MYO1H: variants seen among roughly 807,000 people sequenced by gnomAD.
MYO1H encodes the protein unconventional myosin-Ih.
A neutral mutation model predicts 149.3 loss-of-function variants in MYO1H; 118 were observed. The ratio of observed to expected loss-of-function variants is 0.79; its 90% confidence interval spans 0.68 to 0.92. MYO1H has a LOEUF of 0.92. MYO1H is among the 40% of genes least tolerant of loss of function. The pLI is 0.00. For missense variants in MYO1H, 1,212 were observed against 1,280.7 expected (o/e 0.95, Z 0.82); for synonymous variants, 447 against 465.2 (o/e 0.96, Z 0.50).
At chr12:109,344,608 C>T (rs1044501305), upstream of MYO1H, among the ~76,000 whole-genome samples, 2 of 152,146 alleles carry the variant, frequency 1.3e-5, no homozygotes, top group Non-Finnish European at 2.9e-5. Context: ...TACTATCTGG[C>T]TTATTTGCAG....
intron 1 of MYO1H, among the ~76,000 whole-genome samples, chr12:109,368,987 T>A (rs765924597): frequency 1.3e-5 from 2 of 150,192 alleles, no homozygotes; most frequent in Non-Finnish European, 2.9e-5. Flanking sequence ...AAGGACATGA[T>A]TTCTTTCTTT....
At chr12:109,425,174 G>GAA (rs1390014596) in intron 17 of MYO1H, among the ~76,000 whole-genome samples, 1 of 152,024 alleles carries the variant, frequency 6.6e-6, no homozygotes, top group African/African-American at 2.4e-5. Flanking sequence ...AAGAAAGAAA[G>GAA]AAAAAATCAA....
Position 109,438,705 on chromosome 12 carries a change from G to A in MYO1H, c.2294+85G>A, listed in dbSNP as rs1027949851. ...GGTCATGGAGGTAGATGAGTTCTTT[G>A]TGATTTTTTGATTTGTGCAGAAAGG... On this transcript the variant is annotated intron_variant, in intron 23 of 31. Coordinates refer to ENST00000310903, the Ensembl canonical transcript of MYO1H. 6 of 1,024,150 alleles carry A rather than the reference G, an allele frequency of 5.9e-6. No individual in the cohort carries two copies. In the African/African-American group the frequency reaches 9.8e-5, roughly 17 times the overall value. 63.4% of individuals were successfully genotyped at this position (1,024,150 alleles called of 1,614,324 possible).
intron 19 of MYO1H, among the ~76,000 whole-genome samples, chr12:109,430,390 C>T (rs548138297): frequency 6.6e-6 from 1 of 152,180 alleles, no homozygotes; most frequent in African/African-American, 2.4e-5. Flanking sequence ...TAGGGCCTCT[C>T]CCCAGCCCCT....
intron 31 of MYO1H, 177 bp from the exon 32 acceptor site, chr12:109,446,982 C>T (rs879126972): frequency 3.0e-6 from 2 of 661,472 alleles, no homozygotes; most frequent in South Asian, 3.5e-5. Flanking sequence ...GCTGAAGAGG[C>T]TGACAGGCCT....
the MYO1H span, among the ~76,000 whole-genome samples, chr12:109,335,573 AC>A: frequency 7.7e-6 from 1 of 130,604 alleles, no homozygotes; most frequent in African/African-American, 2.6e-5. Flanking sequence ...TAAAAAACAA[AC>A]AAACAAAAAA....
exon 32 of MYO1H, chr12:109,447,518 C>A: frequency 2.3e-6 from 1 of 439,682 alleles, no homozygotes; most frequent in Non-Finnish European, 4.2e-6. Flanking sequence ...TGTCAAGCTG[C>A]CCTGAGACAT....
chr12:109,386,272 T>G (rs887457614), intron 1 of MYO1H, among the ~76,000 whole-genome samples: 4 of 152,238 alleles, frequency 2.6e-5, no homozygotes, highest in Non-Finnish European at 5.9e-5. Context: ...TTGGATTGTT[T>G]CCAGTTAGGG....
intron 1 of MYO1H, among the ~76,000 whole-genome samples, chr12:109,353,342 C>G (rs1205185816): frequency 7.6e-6 from 1 of 131,758 alleles, no homozygotes; most frequent in Non-Finnish European, 1.5e-5. Flanking sequence ...TGCAGTGAGC[C>G]GATATTGCGC....
At chr12:109,347,895 T>C (rs1868371588), upstream of MYO1H, 1 of 398,876 alleles carries the variant, frequency 2.5e-6, no homozygotes, top group African/African-American at 2.1e-5. Flanking sequence ...CATAAGTCAG[T>C]GGGAAGCAAC....
upstream of MYO1H, among the ~76,000 whole-genome samples, chr12:109,344,930 A>T (rs184654988): frequency 1.6e-4 from 24 of 152,360 alleles, no homozygotes; most frequent in East Asian, 2.9e-3. Flanking sequence ...ATGCAATGTT[A>T]TAAAGTTAGA....
intron 1 of MYO1H, among the ~76,000 whole-genome samples, chr12:109,367,335 C>G (rs1053668312): frequency 3.9e-5 from 6 of 152,104 alleles, no homozygotes; most frequent in Non-Finnish European, 8.8e-5. Context: ...AAAAGAGATA[C>G]AAAAGCCCGT....
chr12:109,375,209 G>A (rs1425401944), intron 1 of MYO1H, among the ~76,000 whole-genome samples: 1 of 147,716 alleles, frequency 6.8e-6, no homozygotes, highest in Non-Finnish European at 1.5e-5. Context: ...CTGGAGTGCA[G>A]TGGCACAATC....
At chr12:109,433,037 G>A (rs772374595) in intron 20 of MYO1H, 27 bp downstream of exon 20, 4 of 1,578,574 alleles carry the variant, frequency 2.5e-6, no homozygotes, top group Non-Finnish European at 3.5e-6. Context: ...CCACCAAATG[G>A]TCTCTTCCCT....
chr12:109,318,977 T>G, the MYO1H span, among the ~76,000 whole-genome samples: 2 of 138,174 alleles, frequency 1.4e-5, no homozygotes, highest in Non-Finnish European at 3.0e-5. Context: ...GTTTTGTTTT[T>G]TTTTTTTTTT....
Position 109,376,363 on chromosome 12 carries a change from T to G in MYO1H, c.13-12320T>G, listed in dbSNP as rs554347417. 4.6e-5 allele frequency among the ~76,000 whole-genome samples: 7 copies of G among 152,352 alleles called. 1 individual carries two copies. Among genetic ancestry groups the G allele is most frequent in the African/African-American group, 9.6e-5 (4 of 41,580 alleles). ...CATATAGTAGTTGTCCTTTTGTAAC[T>G]GCTTCTTTCACCTAGCATGATGTTT... is the stretch of plus-strand genomic sequence containing the variant. On this transcript the variant is annotated intron_variant, in intron 1 of 31. Transcript: ENST00000310903.
chr12:109,410,796 C>G, intron 13 of MYO1H, 28 bp downstream of exon 13: 1 of 1,394,588 alleles, frequency 7.2e-7, no homozygotes, highest in Non-Finnish European at 1.0e-6. Flanking sequence ...TGCATTAGAG[C>G]TATTCACCCG....
At chr12:109,442,176 T>G (rs1345682588) in intron 26 of MYO1H, 41 bp from the exon 27 acceptor site, 4 of 1,568,744 alleles carry the variant, frequency 2.5e-6, no homozygotes, top group Non-Finnish European at 3.5e-6. Flanking sequence ...ACAGGATTGG[T>G]ACTTTAGTGA....
At chr12:109,394,170 A>G (rs1435253415) in intron 3 of MYO1H, among the ~76,000 whole-genome samples, 1 of 152,222 alleles carries the variant, frequency 6.6e-6, no homozygotes, top group Non-Finnish European at 1.5e-5. Flanking sequence ...ATGTAATACT[A>G]TAAGCTGACA....
Sources: allele counts gnomAD v4.1 joint callset (sites outside exome capture counted in the v4.1 genomes callset), GRCh38; gene constraint gnomAD v4.1.1; transcripts MANE v1.5; gene names NCBI Gene and HGNC (gene_info 2026-07-23, HGNC 2026-07-21).